GMEB2: variants seen among roughly 807,000 people sequenced by gnomAD.
The protein encoded by GMEB2 is glucocorticoid modulatory element-binding protein 2.
In GMEB2, 7 loss-of-function variants were observed where a neutral mutation model predicts 45.7. The ratio of observed to expected loss-of-function variants is 0.15; its 90% CI spans 0.09 to 0.29. The LOEUF is 0.29. GMEB2 is among the 10% of genes least tolerant of loss of function. The pLI is 1.00. For missense variants in GMEB2, 582 were observed against 739.2 expected (o/e 0.79, Z 2.47); for synonymous variants, 322 against 323.6 (o/e 1.00, Z 0.05).
Position 63,592,504 on chromosome 20 carries a change from C to A in GMEB2, c.829+29G>T. On this transcript the variant is annotated intron_variant, in intron 8 of 9. Transcript: ENST00000370077. The surrounding 1 kb of genome is among the most constrained non-coding windows in gnomAD (Gnocchi z 8.2). Reference sequence around the variant, plus strand: ...CTGCAGAGACTCCTGGGCTGAGTAGCCAGCAAGAGGGAAGATGCAGCTTCT... The same window carrying A: ...CTGCAGAGACTCCTGGGCTGAGTAGACAGCAAGAGGGAAGATGCAGCTTCT... 1.9e-6 allele frequency: 3 copies of A among 1,584,160 alleles called. No homozygotes were observed. The highest frequency in any genetic ancestry group is 2.6e-6 in the Non-Finnish European group (3 of 1,156,858).
chr20:63,598,847 G>A (rs1437031321), intron 4 of GMEB2, among the ~76,000 whole-genome samples: 1 of 152,174 alleles, frequency 6.6e-6, no homozygotes, highest in Non-Finnish European at 1.5e-5. Flanking sequence ...GGCTGCTTCC[G>A]GCCATCACTT....
chr20:63,623,849 C>T (rs553686147), intron 1 of GMEB2, among the ~76,000 whole-genome samples: 5 of 151,998 alleles, frequency 3.3e-5, no homozygotes, highest in East Asian at 1.9e-4. Flanking sequence ...TGGTGGCTCA[C>T]GCCCATAATC....
chr20:63,615,013 C>T (rs765223259), intron 2 of GMEB2, among the ~76,000 whole-genome samples: 81 of 152,274 alleles, frequency 5.3e-4, no homozygotes, highest in Non-Finnish European at 1.0e-3. Context: ...TTATCTTTGT[C>T]TTGTGTCTTT....
At chr20:63,624,654 G>A (rs990129872) in intron 1 of GMEB2, among the ~76,000 whole-genome samples, 4 of 152,130 alleles carry the variant, frequency 2.6e-5, no homozygotes, top group Non-Finnish European at 2.9e-5. Flanking sequence ...AGAGGATTAC[G>A]CAATGTACAC....
chr20:63,597,727 CAGGGAGG>C, intron 5 of GMEB2, 23 bp downstream of exon 5: 1 of 1,216,848 alleles, frequency 8.2e-7, no homozygotes, highest in Non-Finnish European at 1.2e-6. Context: ...CCCCTTCCAG[CAGGGAGG>C]CTGACCCTGC....
intron 2 of GMEB2, among the ~76,000 whole-genome samples, chr20:63,616,165 CG>C (rs1277800431): frequency 2.0e-5 from 3 of 152,124 alleles, no homozygotes; most frequent in African/African-American, 7.2e-5. Flanking sequence ...ACATGTGGGC[CG>C]GGTACAGTGG....
At chr20:63,623,224 T>C (rs926746113) in intron 1 of GMEB2, among the ~76,000 whole-genome samples, 2 of 152,204 alleles carry the variant, frequency 1.3e-5, no homozygotes, top group Admixed American at 1.3e-4. Context: ...AGCCGTTTAC[T>C]GTCACTCAAT....
intron 2 of GMEB2, among the ~76,000 whole-genome samples, chr20:63,611,304 C>A (rs1016298455): frequency 1.3e-5 from 2 of 152,204 alleles, no homozygotes; most frequent in African/African-American, 4.8e-5. Flanking sequence ...GGACCTTATG[C>A]CACAGCAATT....
intron 3 of GMEB2, among the ~76,000 whole-genome samples, chr20:63,604,151 A>T (rs1474888157): frequency 6.9e-6 from 1 of 145,944 alleles, no homozygotes; most frequent in Non-Finnish European, 1.5e-5. Flanking sequence ...GGATCACATG[A>T]GGCCAGGAGT....
chr20:63,604,066 A>AC (rs1403307750), intron 3 of GMEB2, among the ~76,000 whole-genome samples: 3 of 128,306 alleles, frequency 2.3e-5, no homozygotes, highest in African/African-American at 8.3e-5. Context: ...AAAAAAAAAA[A>AC]AAAACAGAAT....
intron 2 of GMEB2, among the ~76,000 whole-genome samples, chr20:63,614,737 GAA>G (rs2089595754): frequency 6.6e-6 from 1 of 152,152 alleles, no homozygotes. Context: ...TGAAAGTACT[GAA>G]AGTCTCTGAT....
At position 63,593,140 on chromosome 20, in the gene GMEB2, C is replaced by T; in HGVS notation, c.620-58G>A. ...GTTTGGACCACAGTCCCACACCCCA[C>T]ATACCCTGTCCACCCTCCTCACACC... On this transcript the variant is annotated intron_variant, in intron 6 of 9. Coordinates refer to ENST00000370077, the MANE Select transcript of GMEB2 (RefSeq NM_012384.5). The surrounding 1 kb of genome is among the most constrained non-coding windows in gnomAD (Gnocchi z 4.7). The T allele has an allele frequency of 2.0e-6, 2 of 1,003,944 alleles. No individual in the cohort carries two copies. Among genetic ancestry groups the T allele is most frequent in the Non-Finnish European group, 3.1e-6 (2 of 637,988 alleles). 62.2% of individuals were successfully genotyped at this position (1,003,944 alleles called of 1,614,324 possible). A position where few individuals can be genotyped will look rare whatever the true frequency, so the allele number is the denominator to read the frequency against.
Position 63,588,835 on chromosome 20 carries a change from T to A in GMEB2, c.*1254A>T. ...GGCCTGGGCTGGCTGCTCCCTGAGATGCCTGCCCCAGGACCCTGGCCTGGA... is the reference window on the plus strand; with the variant it reads ...GGCCTGGGCTGGCTGCTCCCTGAGAAGCCTGCCCCAGGACCCTGGCCTGGA... On this transcript the variant is annotated 3_prime_UTR_variant, in exon 10 of 10. Coordinates refer to ENST00000370077, the MANE Select transcript of GMEB2 (RefSeq NM_012384.5). 1 of 398,698 alleles carries A rather than the reference T, an allele frequency of 2.5e-6. No individual in the cohort carries two copies. The highest frequency in any genetic ancestry group is 4.4e-6 in the Non-Finnish European group (1 of 226,114). The allele number at this position is 398,698 out of a possible 1,614,324, so 24.7% of individuals were successfully genotyped here.
chr20:63,603,228 G>C, intron 3 of GMEB2, 136 bp from the exon 4 acceptor site: 2 of 894,872 alleles, frequency 2.2e-6, no homozygotes, highest in African/African-American at 1.6e-5. Context: ...GCCTGAGATA[G>C]AGCCAAGGTG....
rs2083156805 is a variant in GMEB2, at chr20:63,592,563, G to A, written c.799C>T (p.Arg267Trp). 2.5e-6 allele frequency: 4 copies of A among 1,611,614 alleles called. No individual in the cohort carries two copies. The highest frequency in any genetic ancestry group is 3.4e-6 in the Non-Finnish European group (4 of 1,178,002). Residue 267 changes from arginine (R) to tryptophan (W), a missense_variant, in exon 8 of 10, where the codon CGG becomes TGG. Around this residue, in one of 3 missense-constraint regions of GMEB2, gnomAD observed 462 missense variants for 586.7 expected, o/e 0.79. Transcript: ENST00000370077. This position sits in a 1 kb window ranked among gnomAD's most constrained non-coding sequence, Gnocchi z 8.2. ...AGCTGCAGGGGAGGGTCCTGGACCC[G>A]CTGCTGCAGGCCTCTCATGGTCTCC... ...LVETMRGLQQ[R>W]VQDPPLQLRD...
intron 2 of GMEB2, among the ~76,000 whole-genome samples, chr20:63,607,540 C>CA (rs200625807): frequency 1.4e-4 from 3 of 22,116 alleles, no homozygotes; most frequent in Admixed American, 2.6e-4. Flanking sequence ...CCCTCTGACC[C>CA]CACCTCCATT....
In GMEB2 at chr20:63,619,227, AG is replaced by A. The variant is rs2089628620; in HGVS notation, c.131+39del. ...GCTGTGCCAAGGACAGCCCAACCCA[AG>A]CCCCCATCAGCCCCAATGGCACCGA... On this transcript the variant is annotated intron_variant, in intron 2 of 9. Coordinates refer to ENST00000370077, the MANE Select transcript of GMEB2 (RefSeq NM_012384.5). The surrounding 1 kb of genome is among the most constrained non-coding windows in gnomAD (Gnocchi z 4.6). The A allele has an allele frequency of 2.0e-6, 3 of 1,537,040 alleles. No homozygotes were observed. Among genetic ancestry groups the A allele is most frequent in the African/African-American group, 1.4e-5 (1 of 72,694 alleles).
At chr20:63,604,659 T>C in intron 3 of GMEB2, 84 bp downstream of exon 3, 1 of 821,412 alleles carries the variant, frequency 1.2e-6, no homozygotes, top group Non-Finnish European at 2.2e-6. Flanking sequence ...TGTATATCTC[T>C]GGCTGTTCCT....
In GMEB2 at chr20:63,590,024, T is replaced by C; in HGVS notation, c.*65A>G. The C allele has an allele frequency of 7.0e-7, 1 of 1,419,198 alleles. No homozygotes were observed. The highest frequency in any genetic ancestry group is 9.3e-7 in the Non-Finnish European group (1 of 1,072,624). The allele number at this position is 1,419,198 out of a possible 1,614,324, so 87.9% of individuals were successfully genotyped here. A position where few individuals can be genotyped will look rare whatever the true frequency, so the allele number is the denominator to read the frequency against. On this transcript the variant is annotated 3_prime_UTR_variant, in exon 10 of 10. Coordinates refer to ENST00000370077, the MANE Select transcript of GMEB2 (RefSeq NM_012384.5). ...AGCCAGCCCTGCGGCCTCTGCCCGCTCCCTGCTGCCGCGGCTGAGAGACAG... is the reference window on the plus strand; with the variant it reads ...AGCCAGCCCTGCGGCCTCTGCCCGCCCCCTGCTGCCGCGGCTGAGAGACAG...
Sources: gnomAD v4.1 joint callset for allele counts (sites outside exome capture counted in the v4.1 genomes callset) on GRCh38, gnomAD v4.1.1 for gene constraint, gnomAD v4.1.1 regional missense constraint, Gnocchi (gnomAD v3.1) non-coding constraint, MANE v1.5 for transcripts, NCBI Gene and HGNC (gene_info 2026-07-23, HGNC 2026-07-21) for gene names.